The following ADAMTSL1 variants were observed in gnomAD, a reference collection of about 807,000 sequenced individuals.
The protein encoded by ADAMTSL1 is ADAMTS like 1, also known as ADAMTS-like protein 1.
A neutral mutation model predicts 201.8 loss-of-function variants in ADAMTSL1; 126 were observed. The observed-to-expected ratio is 0.62, with a 90% CI of 0.54 to 0.72. The LOEUF is 0.72. ADAMTSL1 is among the 30% of genes least tolerant of loss of function. The probability of loss-of-function intolerance (pLI) is 0.00; values close to 1 mark genes in which losing one functional copy is unlikely to be tolerated. For synonymous variants in ADAMTSL1, 1,121 were observed against 903.4 expected, an observed-to-expected ratio of 1.24 and a Z score of -4.32; for missense variants, 2,679 against 2,277.8, an observed-to-expected ratio of 1.18 and a Z score of -3.59.
At chr9:18,497,897 T>C (rs1822613020) in intron 1 of ADAMTSL1, among the ~76,000 whole-genome samples, 1 of 152,222 alleles carries the variant, frequency 6.6e-6, no homozygotes, top group South Asian at 2.1e-4. Flanking sequence ...AGTTCTGAAA[T>C]GAAAACCTTA....
In ADAMTSL1 at chr9:18,155,712, G is replaced by C. The variant is rs867317331; in HGVS notation, c.88-8150G>C. On this transcript the variant is annotated intron_variant, in intron 1 of 29. Coordinates refer to the ADAMTSL1 transcript ENST00000680146. The stretch of plus-strand genomic sequence containing the variant: ...GATGTCAGTGCAGAGAGAGAAGAGA[G>C]GAGCCCTAACAGAGTTACCATCGTT... 3.9e-4 allele frequency among the ~76,000 whole-genome samples: 59 copies of C among 152,148 alleles called. 1 individual carries two copies. Among genetic ancestry groups the C allele is most frequent in the African/African-American group, 1.3e-3 (53 of 41,538 alleles).
rs570528942 is a variant in ADAMTSL1, at chr9:18,754,324, G to A, written c.2217+816G>A. Among the ~76,000 whole-genome samples the A allele has an allele frequency of 5.3e-5, 8 of 152,174 alleles. No homozygotes were observed. In the South Asian group the frequency reaches 1.7e-3, roughly 32 times the overall value. On this transcript the variant is annotated intron_variant, in intron 16 of 28. Coordinates refer to ENST00000380548, the MANE Select transcript of ADAMTSL1 (RefSeq NM_001040272.6). ...TAAAAATAATATGCATTTATCAAAC[G>A]TTAATATTTTTGCATGCCTTTTAAA...
intron 1 of ADAMTSL1, among the ~76,000 whole-genome samples, chr9:18,019,652 A>G (rs571137864): frequency 8.5e-5 from 13 of 152,266 alleles, no homozygotes; most frequent in African/African-American, 3.1e-4. Flanking sequence ...TTTGTCTAAT[A>G]GAGTTGAAAT....
intron 2 of ADAMTSL1, among the ~76,000 whole-genome samples, chr9:18,331,623 A>G: frequency 6.6e-6 from 1 of 152,174 alleles, no homozygotes; most frequent in East Asian, 1.9e-4. Flanking sequence ...AGGTTGAACT[A>G]TCCATTAGAG....
At chr9:18,210,374 AAC>A (rs1015063415) in intron 2 of ADAMTSL1, among the ~76,000 whole-genome samples, 75 of 134,322 alleles carry the variant, frequency 5.6e-4, no homozygotes, top group Admixed American at 3.8e-3. Flanking sequence ...GAAGTCAAAG[AAC>A]ACACACATAT....
chr9:18,222,172 T>C (rs1471145185), intron 2 of ADAMTSL1, among the ~76,000 whole-genome samples: 1 of 152,052 alleles, frequency 6.6e-6, no homozygotes, highest in African/African-American at 2.4e-5. Flanking sequence ...CTTTATGTTC[T>C]AGAAGTATCC....
chr9:18,063,547 C>G (rs1822554425), intron 1 of ADAMTSL1, among the ~76,000 whole-genome samples: 1 of 152,190 alleles, frequency 6.6e-6, no homozygotes, highest in African/African-American at 2.4e-5. Flanking sequence ...TTGTTCAAAA[C>G]AGGCATAATT....
chr9:18,755,554 A>G (rs1819702897), intron 16 of ADAMTSL1, among the ~76,000 whole-genome samples: 1 of 152,128 alleles, frequency 6.6e-6, no homozygotes, highest in Admixed American at 6.6e-5. Flanking sequence ...TGATAGCCAC[A>G]CGTGCTGCTG....
chr9:18,182,668 A>G (rs974084310), intron 2 of ADAMTSL1, among the ~76,000 whole-genome samples: 3 of 152,228 alleles, frequency 2.0e-5, no homozygotes, highest in African/African-American at 4.8e-5. Flanking sequence ...CACATTTATT[A>G]TTTATCAGAC....
intron 1 of ADAMTSL1, among the ~76,000 whole-genome samples, chr9:17,928,000 T>C (rs75625794): frequency 2.2e-3 from 268 of 121,030 alleles, no homozygotes; most frequent in East Asian, 2.8e-3. Flanking sequence ...TCTTTCTTTT[T>C]TTTTTTTTTT....
intron 16 of ADAMTSL1, among the ~76,000 whole-genome samples, chr9:18,756,460 A>G (rs1013903905): frequency 3.9e-5 from 6 of 152,070 alleles, no homozygotes; most frequent in Non-Finnish European, 8.8e-5. Context: ...TTTATATTGT[A>G]TGGTGCAATA....
intron 1 of ADAMTSL1, among the ~76,000 whole-genome samples, chr9:18,029,706 A>T (rs1308686485): frequency 6.6e-6 from 1 of 152,162 alleles, no homozygotes; most frequent in Non-Finnish European, 1.5e-5. Flanking sequence ...TACAAGAAAA[A>T]AACAAACAAC....
intron 2 of ADAMTSL1, among the ~76,000 whole-genome samples, chr9:18,230,121 G>A (rs974948888): frequency 6.6e-6 from 1 of 152,136 alleles, no homozygotes; most frequent in African/African-American, 2.4e-5. Flanking sequence ...AACAAACAAA[G>A]CAAACAGGTA....
intron 2 of ADAMTSL1, among the ~76,000 whole-genome samples, chr9:18,178,329 A>C (rs1200531336): frequency 6.6e-6 from 1 of 152,152 alleles, no homozygotes; most frequent in African/African-American, 2.4e-5. Context: ...GGGCTTAAAA[A>C]ACGGCGCACC....
At chr9:18,108,196 A>AT (rs5896770) in intron 1 of ADAMTSL1, among the ~76,000 whole-genome samples, 14,371 of 125,388 alleles carry the variant, frequency 0.11, 887 homozygotes, top group East Asian at 0.19. Flanking sequence ...AGAGTGTGGA[A>AT]TTTTTTTTTT....
At chr9:18,084,916 G>A (rs1199301982) in intron 1 of ADAMTSL1, among the ~76,000 whole-genome samples, 2 of 152,178 alleles carry the variant, frequency 1.3e-5, no homozygotes, top group African/African-American at 4.8e-5. Flanking sequence ...TGCAAAGAGG[G>A]GAAGGAAGAA....
At chr9:18,541,478 C>G (rs1192809160) in intron 3 of ADAMTSL1, among the ~76,000 whole-genome samples, 6 of 151,458 alleles carry the variant, frequency 4.0e-5, no homozygotes, top group Non-Finnish European at 8.8e-5. Context: ...TCATTGCACT[C>G]CAGACTGGGC....
intron 2 of ADAMTSL1, among the ~76,000 whole-genome samples, chr9:18,334,843 T>C (rs928971868): frequency 1.3e-5 from 2 of 152,114 alleles, no homozygotes; most frequent in South Asian, 2.1e-4. Context: ...AAGAAAGAGA[T>C]TTTTGCCCAG....
At chr9:18,639,775 C>T (rs1018596410) in intron 7 of ADAMTSL1, among the ~76,000 whole-genome samples, 2 of 152,184 alleles carry the variant, frequency 1.3e-5, no homozygotes, top group African/African-American at 2.4e-5. Context: ...GAAAAACAAA[C>T]TAATTATCCA....
Sources: gnomAD v4.1 joint callset for allele counts (sites outside exome capture counted in the v4.1 genomes callset) on GRCh38, gnomAD v4.1.1 for gene constraint, MANE v1.5 for transcripts, NCBI Gene and HGNC (gene_info 2026-07-23, HGNC 2026-07-21) for gene names.